WNT9A: variants seen among roughly 807,000 people sequenced by gnomAD.
The protein encoded by WNT9A is protein Wnt-9a.
Under a neutral mutation model 31.4 loss-of-function variants are expected in WNT9A, and 8 were observed. The observed-to-expected ratio is 0.26, with a 90% CI of 0.15 to 0.46. The LOEUF (loss-of-function observed/expected upper bound fraction) is 0.46. Ranked by LOEUF, WNT9A falls within the 20% of genes least tolerant of loss-of-function variation. The pLI, the probability that WNT9A is intolerant of heterozygous loss-of-function variation, is 0.99. For missense variants in WNT9A, 457 were observed against 522.9 expected (o/e 0.87, Z 1.23); for synonymous variants, 236 against 220.1 (o/e 1.07, Z -0.64).
chr1:227,922,491 G>A (rs1303523638), intron 3 of WNT9A, among the ~76,000 whole-genome samples: 3 of 152,220 alleles, frequency 2.0e-5, no homozygotes, highest in Admixed American at 6.5e-5. Context: ...AGGTGCTACC[G>A]CACATGCAGA....
chr1:227,947,305 TTCTCTCTC>T (rs71762594), intron 1 of WNT9A, among the ~76,000 whole-genome samples: 3 of 151,896 alleles, frequency 2.0e-5, no homozygotes, highest in East Asian at 2.0e-4. Context: ...ATTTCTCTCT[TTCTCTCTC>T]TCTCTCCGTT....
chr1:227,936,628 C>T (rs1666600243), intron 1 of WNT9A, among the ~76,000 whole-genome samples: 1 of 128,682 alleles, frequency 7.8e-6, no homozygotes, highest in East Asian at 2.1e-4. Context: ...AGCCACTGCA[C>T]CCAGTCTTTT....
At chr1:227,932,419 T>G (rs1666528548) in intron 1 of WNT9A, among the ~76,000 whole-genome samples, 1 of 152,136 alleles carries the variant, frequency 6.6e-6, no homozygotes, top group East Asian at 1.9e-4. Flanking sequence ...AGTGACTTCC[T>G]CCCCTGAAGT....
intron 3 of WNT9A, 135 bp from the exon 4 acceptor site, chr1:227,922,135 T>C (rs1666330690): frequency 7.5e-7 from 1 of 1,333,394 alleles, no homozygotes; most frequent in Non-Finnish European, 1.0e-6. Context: ...GCGTCACCAC[T>C]GCACATCTCA....
At position 227,928,721 on chromosome 1, in the gene WNT9A, C is replaced by A. The variant is rs970683146; in HGVS notation, c.96-3202G>T. Reference sequence around the variant, plus strand: ...GCCCAGACCCTCCTGACAGGCAGGGCTTCCAGGTGGGGCTCTCTTTCTGCC... The same window carrying A: ...GCCCAGACCCTCCTGACAGGCAGGGATTCCAGGTGGGGCTCTCTTTCTGCC... On this transcript the variant is annotated intron_variant, in intron 1 of 3. Transcript: ENST00000272164. The surrounding 1 kb of genome is among the most constrained non-coding windows in gnomAD (Gnocchi z 4.5). Among the ~76,000 whole-genome samples, 1 of 152,188 alleles carries A rather than the reference C, an allele frequency of 6.6e-6. No individual in the cohort carries two copies. The highest frequency in any genetic ancestry group is 1.5e-5 in the Non-Finnish European group (1 of 68,042).
chr1:227,924,089 C>T (rs8192632), intron 3 of WNT9A, 49 bp downstream of exon 3: 125 of 741,190 alleles, frequency 1.7e-4, no homozygotes, highest in Non-Finnish European at 2.3e-4. Context: ...AACCCCCTGA[C>T]GCTCTTTCTG....
chr1:227,932,500 T>C (rs1449114337), intron 1 of WNT9A, among the ~76,000 whole-genome samples: 1 of 152,178 alleles, frequency 6.6e-6, no homozygotes, highest in East Asian at 1.9e-4. Flanking sequence ...TGTTGCTGTT[T>C]TGACCTCCTC....
intron 2 of WNT9A, among the ~76,000 whole-genome samples, chr1:227,924,976 C>T (rs893018660): frequency 7.2e-5 from 11 of 152,238 alleles, no homozygotes; most frequent in East Asian, 3.9e-4. Context: ...TGGCATGAGC[C>T]GAGGGCTGTC....
At position 227,925,485 on chromosome 1, in the gene WNT9A, G is replaced by A. The variant is rs1387367583; in HGVS notation, c.130C>T (p.Leu44=). Residue 44 remains leucine (L), a synonymous_variant, in exon 2 of 4, where the codon CTG becomes TTG. Coordinates refer to ENST00000272164, the MANE Select transcript of WNT9A (RefSeq NM_003395.4). The surrounding 1 kb of genome is among the most constrained non-coding windows in gnomAD (Gnocchi z 6.0). ...TGSEPLTILP[L]TLEPEAAAQA... is the part of the protein sequence containing the mutation. ...GCAGCCGCCTCTGGCTCCAGGGTCAGCGGGAGGATGGTCAGGGGCTCGCTG... is the reference window on the plus strand; with the variant it reads ...GCAGCCGCCTCTGGCTCCAGGGTCAACGGGAGGATGGTCAGGGGCTCGCTG... 7 of 1,570,706 alleles carry A rather than the reference G, an allele frequency of 4.5e-6. No homozygotes were observed. Among genetic ancestry groups the A allele is most frequent in the South Asian group, 2.3e-5 (2 of 86,824 alleles).
chr1:227,944,226 C>T (rs1186596725), intron 1 of WNT9A, among the ~76,000 whole-genome samples: 1 of 152,160 alleles, frequency 6.6e-6, no homozygotes, highest in Non-Finnish European at 1.5e-5. Context: ...AATACTAACG[C>T]GTGCTACAAC....
intron 1 of WNT9A, among the ~76,000 whole-genome samples, chr1:227,931,658 G>C (rs1208264469): frequency 2.0e-5 from 3 of 152,266 alleles, no homozygotes; most frequent in Admixed American, 2.0e-4. Flanking sequence ...GCTTCTACAA[G>C]GTATGCTTAC....
rs907958990 is a variant in WNT9A at position 227,942,395 on chromosome 1, C to T, written c.95+5398G>A. 1.3e-5 allele frequency among the ~76,000 whole-genome samples: 2 copies of T among 152,142 alleles called. No homozygotes were observed. Among genetic ancestry groups the T allele is most frequent in the Non-Finnish European group, 2.9e-5 (2 of 67,998 alleles). ...ACCAGCGCCTGCAGGGGCCATCAGGCTGACACTCCAGACCCTCCCACTTAC... is the reference window on the plus strand; with the variant it reads ...ACCAGCGCCTGCAGGGGCCATCAGGTTGACACTCCAGACCCTCCCACTTAC... On this transcript the variant is annotated intron_variant, in intron 1 of 3. Transcript: ENST00000272164. This position sits in a 1 kb window ranked among gnomAD's most constrained non-coding sequence, Gnocchi z 5.7.
At chr1:227,924,575 C>T (rs977283470) in intron 2 of WNT9A, among the ~76,000 whole-genome samples, 175 bp from the exon 3 acceptor site, 3 of 152,150 alleles carry the variant, frequency 2.0e-5, no homozygotes, top group African/African-American at 7.2e-5. Context: ...GGGTAGGAAA[C>T]GCCTGGGTGT....
Position 227,921,414 on chromosome 1 carries a change from G to A in WNT9A, c.*104C>T, listed in dbSNP as rs1169973252. The stretch of plus-strand genomic sequence containing the variant: ...GTGTGCAATGCCTGTACCCCACGCA[G>A]CTGGGCTGGTCGAGCCCAGGAACTC... On this transcript the variant is annotated 3_prime_UTR_variant, in exon 4 of 4. Coordinates refer to ENST00000272164, the MANE Select transcript of WNT9A (RefSeq NM_003395.4). The A allele has an allele frequency of 6.6e-7, 1 of 1,508,532 alleles. No individual in the cohort carries two copies. The highest frequency in any genetic ancestry group is 8.9e-7 in the Non-Finnish European group (1 of 1,121,504). The allele number at this position is 1,508,532 out of a possible 1,614,324, so 93.4% of individuals were successfully genotyped here. A position where few individuals can be genotyped will look rare whatever the true frequency, so the allele number is the denominator to read the frequency against.
chr1:227,943,104 C>T (rs772502277), intron 1 of WNT9A, among the ~76,000 whole-genome samples: 5 of 152,200 alleles, frequency 3.3e-5, no homozygotes, highest in African/African-American at 9.7e-5. Flanking sequence ...TTGGACCCTG[C>T]GGGGTCTGAT....
chr1:227,925,066 C>T lies in WNT9A; in HGVS notation c.352+197G>A, dbSNP rs1426237267. On this transcript the variant is annotated intron_variant, in intron 2 of 3. Coordinates refer to ENST00000272164, the MANE Select transcript of WNT9A (RefSeq NM_003395.4). The surrounding 1 kb of genome is among the most constrained non-coding windows in gnomAD (Gnocchi z 6.0). ...GCCACCAGCAACGACTGTGCGTGTG[C>T]CTAAAGCAAGGCAGGGCAGGCAGCA... 9.9e-5 allele frequency among the ~76,000 whole-genome samples: 15 copies of T among 152,202 alleles called. No homozygotes were observed. The highest frequency in any genetic ancestry group is 6.5e-4 in the Admixed American group (10 of 15,290).
rs371534587 is a variant in WNT9A at position 227,925,889 on chromosome 1, G to A, written c.96-370C>T. 6.6e-5 allele frequency among the ~76,000 whole-genome samples: 10 copies of A among 152,088 alleles called. No individual in the cohort carries two copies. The highest frequency in any genetic ancestry group is 2.2e-4 in the African/African-American group (9 of 41,412). On this transcript the variant is annotated intron_variant, in intron 1 of 3. Transcript: ENST00000272164. The surrounding 1 kb of genome is among the most constrained non-coding windows in gnomAD (Gnocchi z 6.0). ...GGGCTGTGGGCAGGGAGGAGGCTCC[G>A]GAGCCTGAATCCCAAACTATGCCTG...
rs1395295447 is a variant in WNT9A at position 227,919,762 on chromosome 1, C to T, written c.*1756G>A. ...TGCATTTATACAACACACGCTTACA[C>T]ACATTGACCACGCCAGCACACACGC... On this transcript the variant is annotated 3_prime_UTR_variant, in exon 4 of 4. Coordinates refer to ENST00000272164, the MANE Select transcript of WNT9A (RefSeq NM_003395.4). 6.6e-6 allele frequency: 1 copy of T among 151,798 alleles called. No homozygotes were observed. Among genetic ancestry groups the T allele is most frequent in the South Asian group, 2.1e-4 (1 of 4,830 alleles). The allele number at this position is 151,798 out of a possible 1,614,324, so 9.4% of individuals were successfully genotyped here.
chr1:227,937,254 C>T (rs1393034368), intron 1 of WNT9A, among the ~76,000 whole-genome samples: 2 of 152,238 alleles, frequency 1.3e-5, no homozygotes, highest in African/African-American at 4.8e-5. Flanking sequence ...CTGCACTCAG[C>T]ACCGCTGCTC....
Sources: gnomAD v4.1 joint callset for allele counts (sites outside exome capture counted in the v4.1 genomes callset) on GRCh38, gnomAD v4.1.1 for gene constraint, Gnocchi (gnomAD v3.1) non-coding constraint, MANE v1.5 for transcripts, NCBI Gene and HGNC (gene_info 2026-07-23, HGNC 2026-07-21) for gene names.